FHIT: variants seen among roughly 807,000 people sequenced by gnomAD.
FHIT encodes the protein fragile histidine triad diadenosine triphosphatase.
In FHIT, 19 loss-of-function variants were observed where a neutral mutation model predicts 17.9. That is an observed-to-expected ratio of 1.06 (90% CI 0.74 to 1.56). The LOEUF (loss-of-function observed/expected upper bound fraction) is 1.56. FHIT is among the 40% of genes most tolerant of loss of function. The pLI is 0.00. For synonymous variants in FHIT, 81 were observed against 69.7 expected (o/e 1.16, Z -0.81); for missense variants, 248 against 189.2 (o/e 1.31, Z -1.82).
chr3:59,899,907 G>A (rs1338790560), intron 8 of FHIT, among the ~76,000 whole-genome samples: 5 of 152,150 alleles, frequency 3.3e-5, no homozygotes, highest in Admixed American at 3.3e-4. Flanking sequence ...CAGGCCAGGA[G>A]TTGGCAAACG....
intron 3 of FHIT, among the ~76,000 whole-genome samples, chr3:60,884,979 T>A (rs149167309): frequency 1.2e-3 from 175 of 150,640 alleles, no homozygotes; most frequent in South Asian, 2.5e-3. Context: ...CTCTCACTCC[T>A]ATGTGGAAGC....
In FHIT at chr3:59,929,305, G is replaced by C. The variant is rs1052038046; in HGVS notation, c.280-6891C>G. 1.7e-4 allele frequency among the ~76,000 whole-genome samples: 25 copies of C among 150,180 alleles called. 1 individual carries two copies. In the East Asian group the frequency reaches 4.5e-3, roughly 27 times the overall value. ...ATTATTCTACCAATTTTATAGGTAAGGAAGAGACAAAATTTTCCCTCAGCA... is the reference window on the plus strand; with the variant it reads ...ATTATTCTACCAATTTTATAGGTAACGAAGAGACAAAATTTTCCCTCAGCA... On this transcript the variant is annotated intron_variant, in intron 7 of 9. Transcript: ENST00000492590.
At chr3:59,973,186 C>A (rs934440429) in intron 7 of FHIT, among the ~76,000 whole-genome samples, 1 of 152,066 alleles carries the variant, frequency 6.6e-6, no homozygotes, top group African/African-American at 2.4e-5. Flanking sequence ...CTTATCCACT[C>A]GCATTTCCTC....
intron 5 of FHIT, among the ~76,000 whole-genome samples, chr3:60,515,169 A>T (rs1266659622): frequency 6.6e-6 from 1 of 152,112 alleles, no homozygotes; most frequent in Admixed American, 6.5e-5. Context: ...CCATTATAAG[A>T]GGGTAATATT....
At chr3:60,503,057 C>T (rs1383401473) in intron 5 of FHIT, among the ~76,000 whole-genome samples, 1 of 152,172 alleles carries the variant, frequency 6.6e-6, no homozygotes, top group Non-Finnish European at 1.5e-5. Context: ...TGGTTAAGAA[C>T]ATAGGTGTCA....
At chr3:60,248,151 C>CTTTA in intron 5 of FHIT, among the ~76,000 whole-genome samples, 1 of 152,200 alleles carries the variant, frequency 6.6e-6, no homozygotes, top group African/African-American at 2.4e-5. Context: ...AGCTGTAAAA[C>CTTTA]GTCCTCAAAG....
intron 4 of FHIT, among the ~76,000 whole-genome samples, chr3:60,638,742 A>G (rs529512496): frequency 2.0e-5 from 3 of 152,210 alleles, no homozygotes; most frequent in East Asian, 3.9e-4. Context: ...ATAACCAAAT[A>G]TTTACCAGAA....
At chr3:59,788,898 C>T (rs2106917967) in intron 8 of FHIT, among the ~76,000 whole-genome samples, 1 of 778 alleles carries the variant, frequency 1.3e-3, no homozygotes, top group East Asian at 0.012. Flanking sequence ...TTTTTTACCC[C>T]ATCTCCAAAC....
chr3:60,449,368 A>G (rs1242439160), intron 5 of FHIT, among the ~76,000 whole-genome samples: 2 of 152,130 alleles, frequency 1.3e-5, no homozygotes, highest in African/African-American at 4.8e-5. Context: ...TGATGTTCTT[A>G]TAAAGGTAGC....
At chr3:60,578,282 C>CA (rs2037636756) in intron 4 of FHIT, among the ~76,000 whole-genome samples, 1 of 151,910 alleles carries the variant, frequency 6.6e-6, no homozygotes, top group Non-Finnish European at 1.5e-5. Flanking sequence ...ACTAAAAATA[C>CA]AAAAATTAGC....
chr3:60,561,263 A>G (rs1301886828), intron 4 of FHIT, among the ~76,000 whole-genome samples: 1 of 152,086 alleles, frequency 6.6e-6, no homozygotes, highest in Non-Finnish European at 1.5e-5. Context: ...CCATTTTGGA[A>G]ACAAAGAACA....
chr3:60,581,057 CAAGAAGCAAGG>C (rs1553659552), intron 4 of FHIT, among the ~76,000 whole-genome samples: 2 of 152,138 alleles, frequency 1.3e-5, no homozygotes, highest in African/African-American at 4.8e-5. Context: ...AGAGAGTACA[CAAGAAGCAAGG>C]CAAAGTCCCT....
At chr3:60,013,377 T>C (rs879262973) in intron 6 of FHIT, among the ~76,000 whole-genome samples, 5 of 152,226 alleles carry the variant, frequency 3.3e-5, no homozygotes, top group Non-Finnish European at 7.3e-5. Flanking sequence ...ATAGAGGGCC[T>C]GAAGGAGCTC....
chr3:59,795,912 G>A (rs757676504), intron 8 of FHIT, among the ~76,000 whole-genome samples: 4 of 152,136 alleles, frequency 2.6e-5, no homozygotes, highest in East Asian at 3.9e-4. Flanking sequence ...GCTGCTCAGC[G>A]TTGATGGAAC....
intron 3 of FHIT, among the ~76,000 whole-genome samples, chr3:60,925,755 C>T (rs1449261444): frequency 1.3e-5 from 2 of 152,164 alleles, no homozygotes; most frequent in African/African-American, 4.8e-5. Context: ...AGTTAAAAGA[C>T]ACAGACTGGC....
intron 5 of FHIT, among the ~76,000 whole-genome samples, chr3:60,189,703 G>A (rs1430356319): frequency 3.3e-5 from 5 of 152,156 alleles, no homozygotes; most frequent in African/African-American, 1.2e-4. Context: ...GAATGTTTTA[G>A]TAATGACATG....
At chr3:59,823,664 C>T (rs1271387627) in intron 8 of FHIT, among the ~76,000 whole-genome samples, 1 of 152,086 alleles carries the variant, frequency 6.6e-6, no homozygotes, top group East Asian at 1.9e-4. Context: ...ATGATTAAAA[C>T]CCTCAGCAAA....
At chr3:60,374,830 TAAG>T (rs1700480665) in intron 5 of FHIT, among the ~76,000 whole-genome samples, 2 of 152,150 alleles carry the variant, frequency 1.3e-5, no homozygotes, top group African/African-American at 4.8e-5. Flanking sequence ...AAAAGTCTAT[TAAG>T]TAGAAGAGAC....
At chr3:60,355,204 T>C (rs1016928189) in intron 5 of FHIT, among the ~76,000 whole-genome samples, 6 of 152,174 alleles carry the variant, frequency 3.9e-5, no homozygotes, top group African/African-American at 7.2e-5. Context: ...TGGAACAAAA[T>C]AGTTAGGCTA....
Sources: gnomAD v4.1 joint callset for allele counts (sites outside exome capture counted in the v4.1 genomes callset) on GRCh38, gnomAD v4.1.1 for gene constraint, MANE v1.5 for transcripts, NCBI Gene and HGNC (gene_info 2026-07-23, HGNC 2026-07-21) for gene names.